SPRED1: variants seen among roughly 807,000 people sequenced by gnomAD.
SPRED1 encodes sprouty related EVH1 domain containing 1.
Under a neutral mutation model 52.3 loss-of-function variants are expected in SPRED1, and 18 were observed. The ratio of observed to expected loss-of-function variants is 0.34; its 90% confidence interval spans 0.24 to 0.51. The LOEUF (loss-of-function observed/expected upper bound fraction) is 0.51, where lower values mean the gene tolerates loss of function less well. Among genes scored for constraint, SPRED1 ranks in the 20% least tolerant of loss-of-function variants. The probability of loss-of-function intolerance (pLI) is 0.97; values close to 1 mark genes in which losing one functional copy is unlikely to be tolerated. For missense variants in SPRED1, 485 were observed against 551.0 expected (o/e 0.88, Z 1.20); for synonymous variants, 155 against 179.7 (o/e 0.86, Z 1.10).
At chr15:38,303,638 G>GA (rs1479399499) in intron 2 of SPRED1, among the ~76,000 whole-genome samples, 1 of 151,940 alleles carries the variant, frequency 6.6e-6, no homozygotes, top group Non-Finnish European at 1.5e-5. Context: ...TTATCATGGG[G>GA]ATCTAAAGTA....
At chr15:38,302,457 T>C (rs1034523608) in intron 2 of SPRED1, among the ~76,000 whole-genome samples, 5 of 152,144 alleles carry the variant, frequency 3.3e-5, no homozygotes, top group African/African-American at 7.2e-5. Context: ...GCAGGCTGCC[T>C]GAGACTTGTT....
chr15:38,329,342 G>A (rs1392537816), intron 4 of SPRED1, among the ~76,000 whole-genome samples: 1 of 152,176 alleles, frequency 6.6e-6, no homozygotes, highest in African/African-American at 2.4e-5. Context: ...GAGCCAAAAT[G>A]ATTAGAAGGC....
chr15:38,349,332 A>G (rs1896203302), intron 5 of SPRED1, 90 bp from the exon 6 acceptor site: 1 of 991,730 alleles, frequency 1.0e-6, no homozygotes, highest in Admixed American at 1.9e-5. Context: ...TTTACTGCTA[A>G]TAAATTATGA....
At chr15:38,307,603 AT>A (rs1895275514) in intron 2 of SPRED1, among the ~76,000 whole-genome samples, 1 of 152,090 alleles carries the variant, frequency 6.6e-6, no homozygotes, top group Admixed American at 6.5e-5. Context: ...GCTTTAACAT[AT>A]GAATTTGAGG....
chr15:38,340,549 T>C (rs1261423942), intron 5 of SPRED1, among the ~76,000 whole-genome samples: 5 of 152,158 alleles, frequency 3.3e-5, no homozygotes, highest in Admixed American at 2.0e-4. Context: ...TTCTTTTTTT[T>C]TGAGACAGAG....
chr15:38,281,737 C>T (rs1292422499), intron 1 of SPRED1, among the ~76,000 whole-genome samples: 1 of 151,950 alleles, frequency 6.6e-6, no homozygotes, highest in East Asian at 1.9e-4. Flanking sequence ...CTGTTTCTTA[C>T]ATTTCCACCC....
In SPRED1 at chr15:38,277,666, T is replaced by A. The variant is rs115841443; in HGVS notation, c.33-21707T>A. ...TGAAGTTGCTGGCTTGAATAATAAT[T>A]CTAACTTCTTTCAGAAATCGCCAAA... is the stretch of plus-strand genomic sequence containing the variant. On this transcript the variant is annotated intron_variant, in intron 1 of 6. Transcript: ENST00000299084. Among the ~76,000 whole-genome samples the A allele has an allele frequency of 2.3e-3, 352 of 152,366 alleles. 1 individual carries two copies. The highest frequency in any genetic ancestry group is 8.0e-3 in the African/African-American group (331 of 41,594).
chr15:38,330,794 C>T (rs774199752), intron 4 of SPRED1, among the ~76,000 whole-genome samples: 5 of 152,054 alleles, frequency 3.3e-5, no homozygotes, highest in African/African-American at 1.2e-4. Flanking sequence ...TTTACAATTA[C>T]AAGAATGATG....
At chr15:38,328,581 A>G (rs1382598404) in intron 4 of SPRED1, among the ~76,000 whole-genome samples, 1 of 152,230 alleles carries the variant, frequency 6.6e-6, no homozygotes, top group Non-Finnish European at 1.5e-5. Flanking sequence ...AATCACATAC[A>G]TAGTTGGCAC....
At chr15:38,308,517 G>A (rs995776799) in intron 2 of SPRED1, among the ~76,000 whole-genome samples, 4 of 152,070 alleles carry the variant, frequency 2.6e-5, no homozygotes, top group Non-Finnish European at 5.9e-5. Context: ...TTTTTGCCAG[G>A]CAACCACTAT....
In SPRED1 at chr15:38,298,537, AAAC is replaced by A. The variant is rs1231216979; in HGVS notation, c.33-831_33-829del. 7.6e-5 allele frequency: 24 copies of A among 315,588 alleles called. No individual in the cohort carries two copies. The East Asian group carries it at 1.2e-3, about 16-fold the overall frequency. The allele number at this position is 315,588 out of a possible 1,614,324, so 19.5% of individuals were successfully genotyped here. A position where few individuals can be genotyped will look rare whatever the true frequency, so the allele number is the denominator to read the frequency against. On this transcript the variant is annotated intron_variant, in intron 1 of 6. Transcript: ENST00000299084. ...AAAAAAAATTAACTTCTGGTACACA[AAAC>A]AACATGAGAGAAAGAAGTCAGACAA...
intron 2 of SPRED1, among the ~76,000 whole-genome samples, chr15:38,313,828 C>T (rs1311749476): frequency 1.3e-5 from 2 of 151,580 alleles, no homozygotes; most frequent in Admixed American, 1.3e-4. Flanking sequence ...TTTTGATTTT[C>T]ACTCTAAGCT....
intron 5 of SPRED1, among the ~76,000 whole-genome samples, chr15:38,344,070 C>T (rs1896081836): frequency 6.6e-6 from 1 of 152,142 alleles, no homozygotes. Context: ...TTAAAAGGAA[C>T]CCACCAGGAG....
intron 1 of SPRED1, among the ~76,000 whole-genome samples, chr15:38,283,986 C>T (rs1894750646): frequency 6.6e-6 from 1 of 152,054 alleles, no homozygotes; most frequent in South Asian, 2.1e-4. Context: ...TTTTCTTTGT[C>T]CATGTGATTA....
At position 38,339,733 on chromosome 15, in the gene SPRED1, A is replaced by G. The variant is rs1057518328; in HGVS notation, c.424-4A>G. On this transcript the variant is annotated splice_polypyrimidine_tract_variant and splice_region_variant and intron_variant, in intron 4 of 6. Coordinates refer to ENST00000299084, the MANE Select transcript of SPRED1 (RefSeq NM_152594.3). ...ACTAATGCATTGAGGGTTGTTCCCA[A>G]TAGGCAAATGAAGAGGATTCTTCCA... is the stretch of plus-strand genomic sequence containing the variant. 1.2e-6 allele frequency: 2 copies of G among 1,613,680 alleles called. No individual in the cohort carries two copies. Among genetic ancestry groups the G allele is most frequent in the Non-Finnish European group, 1.7e-6 (2 of 1,179,778 alleles).
intron 1 of SPRED1, among the ~76,000 whole-genome samples, chr15:38,286,315 G>T (rs1298054857): frequency 7.1e-6 from 1 of 141,216 alleles, no homozygotes; most frequent in Non-Finnish European, 1.5e-5. Flanking sequence ...TATTTTTATT[G>T]TGAATTGGCT....
intron 4 of SPRED1, among the ~76,000 whole-genome samples, chr15:38,336,380 A>ATGTGTGTGTG (rs35912838): frequency 0.22 from 29,408 of 134,060 alleles, 3,408 homozygotes; most frequent in Middle Eastern, 0.31. Context: ...GATAAAGAAA[A>ATGTGTGTGTG]TGTGTGTGTG....
At chr15:38,288,951 T>C (rs11073313) in intron 1 of SPRED1, among the ~76,000 whole-genome samples, 1 of 152,074 alleles carries the variant, frequency 6.6e-6, no homozygotes. Flanking sequence ...TATTCAAAAT[T>C]AAGATTAGTT....
chr15:38,278,831 T>TTTTTTTTTG (rs1254993125), intron 1 of SPRED1, among the ~76,000 whole-genome samples: 3 of 147,814 alleles, frequency 2.0e-5, no homozygotes, highest in African/African-American at 7.5e-5. Context: ...CTACACTGTT[T>TTTTTTTTTG]TTTTTTTTTT....
Sources: gnomAD v4.1 joint callset for allele counts (sites outside exome capture counted in the v4.1 genomes callset) on GRCh38, gnomAD v4.1.1 for gene constraint, MANE v1.5 for transcripts, NCBI Gene and HGNC (gene_info 2026-07-23, HGNC 2026-07-21) for gene names.